POT1: variants seen among roughly 807,000 people sequenced by gnomAD.
POT1 encodes the protein protection of telomeres 1, also known as protection of telomeres protein 1.
Under a neutral mutation model 78.5 loss-of-function variants are expected in POT1, and 47 were observed. The ratio of observed to expected loss-of-function variants is 0.60; its 90% CI spans 0.47 to 0.76. The LOEUF is 0.76. Ranked by LOEUF, POT1 falls within the 30% of genes least tolerant of loss-of-function variation. POT1 has a pLI of 0.00. For synonymous variants in POT1, 259 were observed against 260.7 expected, an observed-to-expected ratio of 0.99 and a Z score of 0.06; for missense variants, 646 against 749.9, an observed-to-expected ratio of 0.86 and a Z score of 1.62.
At chr7:124,838,153 T>A (rs1794939521) in intron 14 of POT1, among the ~76,000 whole-genome samples, 2 of 152,154 alleles carry the variant, frequency 1.3e-5, no homozygotes, top group African/African-American at 4.8e-5. Context: ...ACATTCCCTC[T>A]CATTGCTCCT....
chr7:124,853,371 C>A, intron 9 of POT1: 1 of 335,128 alleles, frequency 3.0e-6, no homozygotes, highest in Non-Finnish European at 5.4e-6. Context: ...CACACACATA[C>A]ATATACACAC....
chr7:124,877,840 CAAAAAAAAAAAAA>C (rs201285982), intron 6 of POT1, among the ~76,000 whole-genome samples: 24 of 80,572 alleles, frequency 3.0e-4, no homozygotes, highest in African/African-American at 5.8e-4. Context: ...GATTCTGTCT[CAAAAAAAAAAAAA>C]AAAAAAAAAA....
intron 2 of POT1, among the ~76,000 whole-genome samples, chr7:124,917,348 C>G (rs1157455477): frequency 2.0e-5 from 3 of 152,106 alleles, no homozygotes; most frequent in East Asian, 1.9e-4. Flanking sequence ...GAGAAAAATC[C>G]TCTCGTCAAC....
At chr7:124,912,769 G>A (rs1199712348) in intron 3 of POT1, among the ~76,000 whole-genome samples, 2 of 152,084 alleles carry the variant, frequency 1.3e-5, no homozygotes, top group African/African-American at 4.8e-5. Context: ...GATGTATTCA[G>A]AGTAATATTT....
intron 12 of POT1, among the ~76,000 whole-genome samples, chr7:124,843,625 C>T (rs1317593843): frequency 2.6e-5 from 4 of 152,164 alleles, no homozygotes; most frequent in African/African-American, 9.7e-5. Context: ...TAGGTCTCCT[C>T]AGCTACTTGT....
intron 16 of POT1, 27 bp from the exon 17 acceptor site, chr7:124,827,332 A>T: frequency 7.5e-7 from 1 of 1,328,310 alleles, no homozygotes; most frequent in Non-Finnish European, 1.1e-6. Context: ...AGATCAAACC[A>T]TATGAGTCTG....
intron 15 of POT1, among the ~76,000 whole-genome samples, chr7:124,830,977 C>T (rs933295269): frequency 6.6e-6 from 1 of 152,050 alleles, no homozygotes; most frequent in Admixed American, 6.5e-5. Context: ...AAATCAGTAA[C>T]CACATAGAAA....
chr7:124,864,747 T>C (rs1795680454), intron 7 of POT1, among the ~76,000 whole-genome samples: 1 of 152,170 alleles, frequency 6.6e-6, no homozygotes, highest in African/African-American at 2.4e-5. Context: ...ATCCCATCCA[T>C]CCTTTGTGTT....
At chr7:124,882,008 T>A (rs1796130300) in intron 6 of POT1, among the ~76,000 whole-genome samples, 1 of 152,012 alleles carries the variant, frequency 6.6e-6, no homozygotes, top group Non-Finnish European at 1.5e-5. Context: ...GATATAAATC[T>A]GGAAAAGATA....
intron 17 of POT1, among the ~76,000 whole-genome samples, 186 bp from the exon 18 acceptor site, chr7:124,825,543 T>C (rs1794609886): frequency 6.6e-6 from 1 of 152,136 alleles, no homozygotes; most frequent in Non-Finnish European, 1.5e-5. Context: ...CTCTTTAATC[T>C]TAAAATAGCT....
intron 3 of POT1, among the ~76,000 whole-genome samples, chr7:124,906,023 C>G (rs1406166258): frequency 3.3e-5 from 5 of 152,126 alleles, no homozygotes; most frequent in African/African-American, 7.2e-5. Context: ...AATAGGAACA[C>G]TTTTACACTG....
intron 7 of POT1, among the ~76,000 whole-genome samples, chr7:124,864,487 T>A (rs1795673903): frequency 1.3e-5 from 2 of 152,214 alleles, no homozygotes; most frequent in African/African-American, 4.8e-5. Flanking sequence ...TACTTCTTGC[T>A]TTTTTGCTTC....
At chr7:124,848,250 A>C (rs1467716307) in intron 11 of POT1, among the ~76,000 whole-genome samples, 1 of 152,194 alleles carries the variant, frequency 6.6e-6, no homozygotes, top group Non-Finnish European at 1.5e-5. Flanking sequence ...TTACCTCAAA[A>C]ATAAAAAACT....
At chr7:124,883,257 C>A (rs529789921) in intron 6 of POT1, among the ~76,000 whole-genome samples, 18 of 152,148 alleles carry the variant, frequency 1.2e-4, no homozygotes, top group African/African-American at 4.3e-4. Context: ...AGCATGGTAT[C>A]TTTCACAAAT....
intron 6 of POT1, among the ~76,000 whole-genome samples, chr7:124,874,666 T>G: frequency 6.7e-6 from 1 of 149,488 alleles, no homozygotes; most frequent in African/African-American, 2.5e-5. Flanking sequence ...GCCTGGGAAG[T>G]GGAGGTTGCA....
intron 7 of POT1, among the ~76,000 whole-genome samples, chr7:124,868,850 CCT>C (rs1039924017): frequency 6.6e-6 from 1 of 150,730 alleles, no homozygotes; most frequent in Admixed American, 6.6e-5. Context: ...ATATTGATTT[CCT>C]CTCTGACTTA....
intron 9 of POT1, among the ~76,000 whole-genome samples, chr7:124,857,251 G>C (rs759593066): frequency 2.0e-5 from 3 of 152,110 alleles, no homozygotes; most frequent in Non-Finnish European, 4.4e-5. Context: ...TTGTGATGGA[G>C]ATCACTTCCA....
chr7:124,834,679 G>A (rs1307037025), intron 15 of POT1, among the ~76,000 whole-genome samples: 5 of 152,078 alleles, frequency 3.3e-5, no homozygotes, highest in African/African-American at 4.8e-5. Context: ...TGTGGAACAC[G>A]GTATGGCAAC....
chr7:124,900,821 T>C (rs1156594568), intron 3 of POT1: 3 of 394,070 alleles, frequency 7.6e-6, no homozygotes, highest in South Asian at 3.8e-5. Flanking sequence ...TTTCCAACGG[T>C]CTTAGCAAAC....
Sources: allele counts gnomAD v4.1 joint callset (sites outside exome capture counted in the v4.1 genomes callset), GRCh38; gene constraint gnomAD v4.1.1; transcripts MANE v1.5; gene names NCBI Gene and HGNC (gene_info 2026-07-23, HGNC 2026-07-21).